CADM2: variants seen among roughly 807,000 people sequenced by gnomAD.
The protein encoded by CADM2 is cell adhesion molecule 2, also known as immunoglobulin superfamily member 4D.
CADM2 carries 12 observed loss-of-function variants against 49.8 expected under a neutral mutation model. The ratio of observed to expected loss-of-function variants is 0.24; its 90% CI spans 0.15 to 0.39. The LOEUF is 0.39. Among genes scored for constraint, CADM2 ranks in the 10% least tolerant of loss-of-function variants. CADM2 has a pLI of 1.00. For missense variants in CADM2, 378 were observed against 492.3 expected (o/e 0.77, Z 2.20); for synonymous variants, 214 against 175.4 (o/e 1.22, Z -1.74).
chr3:85,542,163 A>C (rs990370461), intron 1 of CADM2, among the ~76,000 whole-genome samples: 16 of 152,054 alleles, frequency 1.1e-4, no homozygotes, highest in South Asian at 2.1e-4. Context: ...CCATTGAGCC[A>C]CAAAAAGTGA....
At chr3:85,425,032 A>T (rs2036338151) in intron 1 of CADM2, among the ~76,000 whole-genome samples, 1 of 152,230 alleles carries the variant, frequency 6.6e-6, no homozygotes. Flanking sequence ...TAAAAAAAGA[A>T]TTCATCTAAA....
intron 8 of CADM2, among the ~76,000 whole-genome samples, chr3:85,989,942 G>C (rs1171875674): frequency 1.5e-5 from 2 of 129,872 alleles, no homozygotes; most frequent in Non-Finnish European, 3.1e-5. Flanking sequence ...GACCCGGGAA[G>C]GGGAGGTTAC....
At chr3:85,882,587 A>T (rs1156398723) in intron 3 of CADM2, among the ~76,000 whole-genome samples, 1 of 152,146 alleles carries the variant, frequency 6.6e-6, no homozygotes, top group Non-Finnish European at 1.5e-5. Flanking sequence ...TTAGTAGAGC[A>T]CACAATGATA....
intron 3 of CADM2, among the ~76,000 whole-genome samples, chr3:85,871,075 G>T (rs1377672727): frequency 1.3e-5 from 2 of 152,134 alleles, no homozygotes; most frequent in African/African-American, 4.8e-5. Context: ...CTTCTGTACA[G>T]TAAAAGAAAC....
intron 1 of CADM2, among the ~76,000 whole-genome samples, chr3:85,070,727 T>A (rs1432639583): frequency 6.6e-6 from 1 of 152,086 alleles, no homozygotes; most frequent in Non-Finnish European, 1.5e-5. Flanking sequence ...GGGCAGTGGA[T>A]CACGCCTGTA....
At chr3:85,259,901 T>C (rs1262493139) in intron 1 of CADM2, among the ~76,000 whole-genome samples, 4 of 152,122 alleles carry the variant, frequency 2.6e-5, no homozygotes, top group Admixed American at 2.6e-4. Context: ...CCAAAATCGT[T>C]GTGCCAGGGT....
intron 1 of CADM2, among the ~76,000 whole-genome samples, chr3:85,253,923 C>A (rs934221790): frequency 7.9e-5 from 12 of 152,050 alleles, no homozygotes; most frequent in African/African-American, 2.7e-4. Context: ...ACATCAGATT[C>A]TCCAGGGAAC....
chr3:85,758,747 T>C (rs948762751), intron 2 of CADM2, among the ~76,000 whole-genome samples: 1 of 152,154 alleles, frequency 6.6e-6, no homozygotes, highest in African/African-American at 2.4e-5. Flanking sequence ...TTGGCTATTA[T>C]ATTGCCAATT....
intron 1 of CADM2, among the ~76,000 whole-genome samples, chr3:85,016,353 G>T (rs2034248002): frequency 6.6e-6 from 1 of 152,216 alleles, no homozygotes; most frequent in African/African-American, 2.4e-5. Context: ...CAATTGGGAT[G>T]ACCAGAGAAA....
intron 1 of CADM2, among the ~76,000 whole-genome samples, chr3:85,411,863 G>T (rs2035672000): frequency 6.6e-6 from 1 of 151,834 alleles, no homozygotes; most frequent in South Asian, 2.1e-4. Flanking sequence ...TTTGAGATGG[G>T]GTCTCAATCT....
At chr3:85,359,666 A>T (rs75586519) in intron 1 of CADM2, among the ~76,000 whole-genome samples, 11,744 of 27,564 alleles carry the variant, frequency 0.43, 2,842 homozygotes, top group Middle Eastern at 0.6. Flanking sequence ...ATATATATAT[A>T]TTTTTTTTTT....
intron 1 of CADM2, among the ~76,000 whole-genome samples, chr3:85,077,360 T>A (rs1219074164): frequency 1.3e-5 from 2 of 152,258 alleles, no homozygotes; most frequent in Non-Finnish European, 1.5e-5. Context: ...TTTTTTTTCT[T>A]ATTGTCATAA....
chr3:86,029,938 GA>G (rs2107140249), intron 8 of CADM2, among the ~76,000 whole-genome samples: 1 of 152,162 alleles, frequency 6.6e-6, no homozygotes, highest in South Asian at 2.1e-4. Flanking sequence ...TGGAGCCCTT[GA>G]GGAACAGGTG....
At chr3:85,002,547 G>T (rs1447702681) in intron 1 of CADM2, among the ~76,000 whole-genome samples, 1 of 152,068 alleles carries the variant, frequency 6.6e-6, no homozygotes, top group Non-Finnish European at 1.5e-5. Flanking sequence ...TTCAACTATG[G>T]ATTACTTAGA....
chr3:86,046,648 G>T (rs1429828844), intron 8 of CADM2, among the ~76,000 whole-genome samples: 1 of 152,112 alleles, frequency 6.6e-6, no homozygotes, highest in East Asian at 1.9e-4. Context: ...CCAAGATTGA[G>T]AAATCCTGAG....
chr3:85,895,946 G>A (rs963102003), intron 5 of CADM2, among the ~76,000 whole-genome samples: 2 of 152,082 alleles, frequency 1.3e-5, no homozygotes, highest in Admixed American at 6.5e-5. Flanking sequence ...AGCCTTGGGG[G>A]TGTCTTTATT....
At chr3:85,557,485 T>C (rs2061989794) in intron 1 of CADM2, among the ~76,000 whole-genome samples, 1 of 151,578 alleles carries the variant, frequency 6.6e-6, no homozygotes, top group Non-Finnish European at 1.5e-5. Flanking sequence ...GCAAGAGTTT[T>C]TTTGGAAAAA....
chr3:85,769,231 C>CATATACATATATATACATATATAGTAT (rs2069860683), intron 2 of CADM2, among the ~76,000 whole-genome samples: 1 of 111,718 alleles, frequency 9.0e-6, no homozygotes, highest in Non-Finnish European at 1.6e-5. Context: ...TATATACACA[C>CATATACATATATATACATATATAGTAT]ATATACACAT....
intron 1 of CADM2, among the ~76,000 whole-genome samples, chr3:85,234,309 A>G (rs995156898): frequency 1.3e-5 from 2 of 152,154 alleles, no homozygotes; most frequent in African/African-American, 2.4e-5. Flanking sequence ...TGGAAATATT[A>G]ATTAAACAGC....
Sources: gnomAD v4.1 joint callset for allele counts (sites outside exome capture counted in the v4.1 genomes callset) on GRCh38, gnomAD v4.1.1 for gene constraint, MANE v1.5 for transcripts, NCBI Gene and HGNC (gene_info 2026-07-23, HGNC 2026-07-21) for gene names.